TAF11L12: variants seen among roughly 807,000 people sequenced by gnomAD.
TAF11L12 encodes the protein TATA-box binding protein associated factor 11 like 12, also known as TATA-box-binding protein-associated factor 11-like protein 12.
Position 17,611,357 on chromosome 5 carries a change from C to T in TAF11L12, c.368C>T (p.Ala123Val), listed in dbSNP as rs915086721. The T allele has an allele frequency of 1.0e-5, 4 of 397,890 alleles. 2 individuals are homozygous for T. The highest frequency in any genetic ancestry group is 4.1e-5 in the African/African-American group (2 of 48,262). The allele number at this position is 397,890 out of a possible 1,614,324, so 24.6% of individuals were successfully genotyped here. A position where few individuals can be genotyped will look rare whatever the true frequency, so the allele number is the denominator to read the frequency against. The stretch of plus-strand genomic sequence containing the variant: ...GCTTTCCCAAAAGCACGCATTGCAG[C>T]TCTGATGCAGTCTATCACTGGCAGA... Residue 123 changes from alanine to valine, a missense_variant, in exon 1 of 1, where the codon GCT becomes GTT. Ala to Val is a moderately conservative substitution (Grantham distance 64). Coordinates refer to ENST00000503184, the Ensembl canonical transcript of TAF11L12.
chr5:17,612,076 T>G (rs1739294841), downstream of TAF11L12, among the ~76,000 whole-genome samples: 1 of 151,350 alleles, frequency 6.6e-6, no homozygotes, highest in Non-Finnish European at 1.5e-5. Context: ...AGTTAAACTG[T>G]TTTCCAAACT....
chr5:17,611,324 G>T, exon 1 of TAF11L12: 1 of 397,982 alleles, frequency 2.5e-6, no homozygotes, highest in Non-Finnish European at 4.4e-6. Flanking sequence ...GAAGTGTGTC[G>T]CCGGTCAGCT....
downstream of TAF11L12, among the ~76,000 whole-genome samples, chr5:17,611,866 G>T (rs1438829709): frequency 6.6e-6 from 1 of 151,326 alleles, no homozygotes; most frequent in Non-Finnish European, 1.5e-5. Context: ...AGCATCCTGT[G>T]GACAGGTAGC....
chr5:17,610,447 C>G (rs1414460556), upstream of TAF11L12: 1 of 152,074 alleles, frequency 6.6e-6, no homozygotes, highest in Non-Finnish European at 1.5e-5. Context: ...GGGAGCCTCA[C>G]AGCCCAGACC....
At chr5:17,611,309 G>A (rs1289718135) in exon 1 of TAF11L12, 4 of 397,982 alleles carry the variant, frequency 1.0e-5, no homozygotes, top group Middle Eastern at 6.2e-4. Flanking sequence ...CAGCTATCCC[G>A]CTACGAAGTG....
chr5:17,610,867 C>A, exon 1 of TAF11L12: 1 of 395,276 alleles, frequency 2.5e-6, no homozygotes, highest in Non-Finnish European at 4.5e-6. Context: ...GTTAAACTGG[C>A]ACAGCAGAAA....
exon 1 of TAF11L12, chr5:17,610,998 A>C (rs1178722960): frequency 1.5e-5 from 6 of 397,808 alleles, no homozygotes; most frequent in South Asian, 1.3e-4. Flanking sequence ...CCATGGAGAC[A>C]GGCAGGCAAA....
At chr5:17,611,676 C>G (rs997897163), downstream of TAF11L12, 1 of 396,394 alleles carries the variant, frequency 2.5e-6, no homozygotes, top group Non-Finnish European at 4.4e-6. Context: ...GCTTCCTTAT[C>G]TCAGTCCACC....
At chr5:17,611,575 A>T (rs1444486125) in exon 1 of TAF11L12, 1 of 397,878 alleles carries the variant, frequency 2.5e-6, no homozygotes, top group East Asian at 3.6e-5. Context: ...TAAAAAAATC[A>T]TGTTCTAAGC....
At chr5:17,611,543 G>A (rs1739276406) in exon 1 of TAF11L12, 2 of 398,004 alleles carry the variant, frequency 5.0e-6, no homozygotes, top group East Asian at 7.1e-5. Flanking sequence ...AAGCCCAAGG[G>A]CCTCTTCCCC....
In TAF11L12 at chr5:17,611,278, C is replaced by T. The variant is rs374961493; in HGVS notation, c.289C>T (p.Leu97=). The T allele has an allele frequency of 2.8e-3, 1,120 of 398,140 alleles. 38 individuals are homozygous for T. The highest frequency in any genetic ancestry group is 0.019 in the South Asian group (148 of 7,840). 24.7% of individuals were successfully genotyped at this position (398,140 alleles called of 1,614,324 possible). A position where few individuals can be genotyped will look rare whatever the true frequency, so the allele number is the denominator to read the frequency against. Residue 97 remains leucine (L), a synonymous_variant, in exon 1 of 1, where the codon CTG becomes TTG. Coordinates refer to ENST00000503184, the Ensembl canonical transcript of TAF11L12. ...AGAGGAGGCTCAGATGACAACCCTG[C>T]TGTATGCCATGTCTGAGGAGCAGCT...
At chr5:17,611,101 G>T in the TAF11L12 span, 1 of 397,914 alleles carries the variant, frequency 2.5e-6, no homozygotes, top group Admixed American at 4.4e-5. Flanking sequence ...GAACTTGGAA[G>T]AACCCAGGGA....
rs1220650081 is a variant in TAF11L12, at chr5:17,611,169, A to G, written c.180A>G (p.Glu60=). Reference sequence around the variant, plus strand: ...TGGACCTCACAGAAGGTGACAATGAAGCATCAGCCTCAGCTCCTCCTGCAG... The same window carrying G: ...TGGACCTCACAGAAGGTGACAATGAGGCATCAGCCTCAGCTCCTCCTGCAG... The change falls in exon 1 of 1, where the codon GAA becomes GAG. Residue 60 remains glutamate (E), a synonymous_variant. Coordinates refer to ENST00000503184, the Ensembl canonical transcript of TAF11L12. 18 of 397,934 alleles carry G rather than the reference A, an allele frequency of 4.5e-5. 1 individual carries two copies. Among genetic ancestry groups the G allele is most frequent in the Non-Finnish European group, 4.0e-5 (9 of 225,822 alleles). The allele number at this position is 397,934 out of a possible 1,614,324, so 24.7% of individuals were successfully genotyped here. A position where few individuals can be genotyped will look rare whatever the true frequency, so the allele number is the denominator to read the frequency against.
At chr5:17,611,957 A>G (rs1188286256), downstream of TAF11L12, among the ~76,000 whole-genome samples, 1 of 151,396 alleles carries the variant, frequency 6.6e-6, no homozygotes, top group Non-Finnish European at 1.5e-5. Flanking sequence ...CTTACCTTGT[A>G]TGCTGATGTC....
exon 1 of TAF11L12, chr5:17,611,102 A>G (rs982828002): frequency 2.5e-6 from 1 of 397,782 alleles, no homozygotes; most frequent in South Asian, 1.3e-4. Flanking sequence ...AACTTGGAAG[A>G]ACCCAGGGAT....
chr5:17,611,273 C>A, exon 1 of TAF11L12: 1 of 398,172 alleles, frequency 2.5e-6, no homozygotes, highest in Non-Finnish European at 4.4e-6. Flanking sequence ...CAGATGACAA[C>A]CCTGCTGTAT....
At chr5:17,611,854 T>A (rs901351169), downstream of TAF11L12, among the ~76,000 whole-genome samples, 2 of 151,390 alleles carry the variant, frequency 1.3e-5, no homozygotes, top group African/African-American at 4.9e-5. Context: ...GCCTGGGCCT[T>A]GAGCATCCTG....
chr5:17,611,832 A>T (rs1739282392), downstream of TAF11L12, among the ~76,000 whole-genome samples: 1 of 151,286 alleles, frequency 6.6e-6, no homozygotes, highest in Non-Finnish European at 1.5e-5. Flanking sequence ...TTCTAGTTGG[A>T]AGAATAAAGG....
At position 17,610,785 on chromosome 5, in the gene TAF11L12, T is replaced by A. The variant is rs886933719; in HGVS notation, c.-205T>A. On this transcript the variant is annotated 5_prime_UTR_variant, in exon 1 of 1. Transcript: ENST00000503184. The stretch of plus-strand genomic sequence containing the variant: ...TCTCCATCCACAAGTTTCTTCACAT[T>A]GTGGAAGTGAGAACATTCAGTGTGT... 2.1e-5 allele frequency: 8 copies of A among 384,428 alleles called. 1 individual carries two copies. The highest frequency in any genetic ancestry group is 1.7e-4 in the African/African-American group (8 of 47,958). 23.8% of individuals were successfully genotyped at this position (384,428 alleles called of 1,614,324 possible).
Sources: allele counts gnomAD v4.1 joint callset (sites outside exome capture counted in the v4.1 genomes callset), GRCh38; gene constraint gnomAD v4.1.1; transcripts MANE v1.5; gene names NCBI Gene and HGNC (gene_info 2026-07-23, HGNC 2026-07-21).